IRX1: variants seen among roughly 807,000 people sequenced by gnomAD.
IRX1 encodes the protein iroquois homeobox 1.
In IRX1, 22 loss-of-function variants were observed where a neutral mutation model predicts 34.1. The ratio of observed to expected loss-of-function variants is 0.64; its 90% CI spans 0.46 to 0.92. IRX1 has a LOEUF of 0.92. Ranked by LOEUF, IRX1 falls within the 40% of genes least tolerant of loss-of-function variation. The pLI is 0.00. For missense variants in IRX1, 758 were observed against 680.0 expected, an observed-to-expected ratio of 1.11 and a Z score of -1.28; for synonymous variants, 363 against 319.0, an observed-to-expected ratio of 1.14 and a Z score of -1.47.
chr5:3,599,764 C>G lies in IRX1; in HGVS notation c.816C>G (p.Ala272=), dbSNP rs1444075028. 2 of 1,609,634 alleles carry G rather than the reference C, an allele frequency of 1.2e-6. No homozygotes were observed. Among genetic ancestry groups the G allele is most frequent in the Non-Finnish European group, 1.7e-6 (2 of 1,178,924 alleles). Residue 272 remains alanine (A), a synonymous_variant, in exon 2 of 4, where the codon GCC becomes GCG. Coordinates refer to ENST00000302006, the MANE Select transcript of IRX1 (RefSeq NM_024337.4). This position sits in a 1 kb window ranked among gnomAD's most constrained non-coding sequence, Gnocchi z 6.6. ...ARDQGSPLAA[A]DVLKPQDSPL... is the part of the protein sequence containing the mutation. ...ACCAAGGCTCGCCGCTGGCAGCAGC[C>G]GACGTTCTCAAGCCCCAGGACTCGC...
chr5:3,595,942 C>G lies in IRX1; in HGVS notation c.-164C>G, dbSNP rs1236626840. The G allele has an allele frequency of 1.2e-5, 3 of 250,606 alleles. No individual in the cohort carries two copies. The highest frequency in any genetic ancestry group is 1.6e-4 in the East Asian group (1 of 6,438). 15.5% of individuals were successfully genotyped at this position (250,606 alleles called of 1,614,324 possible). ...GCCTGCGAGCACCGGGCAGAGGAGC[C>G]GCGACCGGCCTCCATCTCCCGGCCC... On this transcript the variant is annotated 5_prime_UTR_variant, in exon 1 of 4. Transcript: ENST00000302006.
chr5:3,600,670 G>T lies in IRX1; in HGVS notation c.1374G>T (p.Pro458=), dbSNP rs944099410. 1 of 1,613,776 alleles carries T rather than the reference G, an allele frequency of 6.2e-7. No homozygotes were observed. The highest frequency in any genetic ancestry group is 2.2e-5 in the East Asian group (1 of 44,878). The change falls in exon 3 of 4, where the codon CCG becomes CCT. Residue 458 remains proline, a synonymous_variant. Coordinates refer to ENST00000302006, the MANE Select transcript of IRX1 (RefSeq NM_024337.4). ...AGCAGTTAAAGTCGCCCTTCCAGCC[G>T]GTACGCGACAAGTGAGTGCTGTTTG... The part of the protein sequence containing the change: ...PAQQLKSPFQ[P]VRDNSLAPQE...
Position 3,600,573 on chromosome 5 carries a change from C to T in IRX1, c.1313-36C>T, listed in dbSNP as rs776175401. On this transcript the variant is annotated intron_variant, in intron 2 of 3. Coordinates refer to ENST00000302006, the MANE Select transcript of IRX1 (RefSeq NM_024337.4). Reference sequence around the variant, plus strand: ...GGCCTGGGACCTCTCCCGCCCGTCTCTCCGTCCTAACTCTGCCTCTTCCGA... The same window carrying T: ...GGCCTGGGACCTCTCCCGCCCGTCTTTCCGTCCTAACTCTGCCTCTTCCGA... The T allele has an allele frequency of 1.9e-6, 3 of 1,587,342 alleles. No homozygotes were observed. The East Asian group carries it at 6.7e-5, about 36-fold the overall frequency.
In IRX1 at chr5:3,600,273, G is replaced by A. The variant is rs1481619366; in HGVS notation, c.1312+13G>A. ...CCCACGCTCCCAGGTACAGCTCCAG[G>A]CCGCGTCCACCTGTCCCCTAGCTGG... On this transcript the variant is annotated intron_variant, in intron 2 of 3. Coordinates refer to ENST00000302006, the MANE Select transcript of IRX1 (RefSeq NM_024337.4). 1 of 1,557,186 alleles carries A rather than the reference G, an allele frequency of 6.4e-7. No individual in the cohort carries two copies. Among genetic ancestry groups the A allele is most frequent in the African/African-American group, 1.4e-5 (1 of 73,988 alleles).
At chr5:3,596,584 C>T (rs1580010055) in intron 1 of IRX1, among the ~76,000 whole-genome samples, 1 of 152,076 alleles carries the variant, frequency 6.6e-6, no homozygotes, top group African/African-American at 2.4e-5. Flanking sequence ...GACGGCTGGG[C>T]CATCTCGGCC....
Position 3,596,192 on chromosome 5 carries a change from C to T in IRX1, c.87C>T (p.Ala29=), listed in dbSNP as rs1370682458. The T allele has an allele frequency of 1.9e-6, 2 of 1,031,344 alleles. No individual in the cohort carries two copies. The highest frequency in any genetic ancestry group is 5.8e-5 in the Admixed American group (1 of 17,250). The allele number at this position is 1,031,344 out of a possible 1,614,324, so 63.9% of individuals were successfully genotyped here. A position where few individuals can be genotyped will look rare whatever the true frequency, so the allele number is the denominator to read the frequency against. The change falls in exon 1 of 4, where the codon GCC becomes GCT. Residue 29 remains alanine, a synonymous_variant. Coordinates refer to ENST00000302006, the MANE Select transcript of IRX1 (RefSeq NM_024337.4). ...AYGGERPGVL[A]AAAAAAAAAS... ...GCGGCGAGCGCCCGGGGGTGCTGGC[C>T]GCGGCCGCTGCGGCGGCTGCCGCCG...
At chr5:3,600,793 T>A (rs1051191456) in intron 3 of IRX1, 112 bp downstream of exon 3, 1 of 1,176,218 alleles carries the variant, frequency 8.5e-7, no homozygotes, top group East Asian at 2.5e-5. Flanking sequence ...GCAGTCCTAG[T>A]TGAAGGAGCG....
At position 3,600,208 on chromosome 5, in the gene IRX1, G is replaced by A. The variant is rs566238043; in HGVS notation, c.1260G>A (p.Pro420=). 1.9e-5 allele frequency: 31 copies of A among 1,610,198 alleles called. No individual in the cohort carries two copies. The Admixed American group carries it at 3.5e-4, about 18-fold the overall frequency. Residue 420 remains proline, a synonymous_variant, in exon 2 of 4, where the codon CCG becomes CCA. Transcript: ENST00000302006. ...PPPQPPVAIA[P]GALNGDKASV... ...CGCAGCCGCCGGTCGCTATTGCCCC[G>A]GGGGCACTCAATGGAGACAAGGCCT...
chr5:3,596,467 C>A, intron 1 of IRX1, 86 bp downstream of exon 1: 1 of 1,267,916 alleles, frequency 7.9e-7, no homozygotes, highest in Non-Finnish European at 1.0e-6. Flanking sequence ...GGAGAGACTA[C>A]GGGTGGACCT....
At position 3,600,229 on chromosome 5, in the gene IRX1, G is replaced by T. The variant is rs1389724739; in HGVS notation, c.1281G>T (p.Lys427Asn). Residue 427 changes from lysine (K) to asparagine (N), a missense_variant, in exon 2 of 4, where the codon AAG becomes AAT. By Grantham distance (94) the Lys-to-Asn change is moderately conservative. Around this residue, in one of 3 missense-constraint regions of IRX1, gnomAD observed 529 missense variants for 418.8 expected, o/e 1.26. Transcript: ENST00000302006. ...AIAPGALNGD[K>N]ASVRSSPTLP... ...CCCCGGGGGCACTCAATGGAGACAA[G>T]GCCTCGGTCCGCAGCAGCCCCACGC... The T allele has an allele frequency of 6.2e-7, 1 of 1,604,714 alleles. No individual in the cohort carries two copies. Among genetic ancestry groups the T allele is most frequent in the African/African-American group, 1.3e-5 (1 of 74,974 alleles).
Position 3,599,184 on chromosome 5 carries a change from C to T in IRX1, c.277-41C>T, listed in dbSNP as rs1051583755. 3 of 1,567,712 alleles carry T rather than the reference C, an allele frequency of 1.9e-6. No homozygotes were observed. The highest frequency in any genetic ancestry group is 1.7e-5 in the Admixed American group (1 of 57,588). On this transcript the variant is annotated intron_variant, in intron 1 of 3. Transcript: ENST00000302006. The surrounding 1 kb of genome is among the most constrained non-coding windows in gnomAD (Gnocchi z 6.6). Reference sequence around the variant, plus strand: ...TCTCTCTCCCTTTCTCTCTCCACTTCCCTCCTCTCTCTCCTCGATGGATCT... The same window carrying T: ...TCTCTCTCCCTTTCTCTCTCCACTTTCCTCCTCTCTCTCCTCGATGGATCT...
chr5:3,599,623 G>A lies in IRX1; in HGVS notation c.675G>A (p.Leu225=), dbSNP rs1733901014. Residue 225 remains leucine (L), a synonymous_variant, in exon 2 of 4, where the codon CTG becomes CTA. Transcript: ENST00000302006. This position sits in a 1 kb window ranked among gnomAD's most constrained non-coding sequence, Gnocchi z 6.6. ...CCGAGGACGACGAGGAGATCGACCTGGAAAGCATCGACATTGACAAGATCG... is the reference window on the plus strand; with the variant it reads ...CCGAGGACGACGAGGAGATCGACCTAGAAAGCATCGACATTGACAAGATCG... ...EKAEDDEEID[L]ESIDIDKIDE... is the part of the protein sequence containing the mutation. The A allele has an allele frequency of 1.9e-6, 3 of 1,613,940 alleles. No homozygotes were observed. The highest frequency in any genetic ancestry group is 4.5e-5 in the East Asian group (2 of 44,852).
In IRX1 at chr5:3,598,166, G is replaced by A. The variant is rs563017973; in HGVS notation, c.277-1059G>A. Among the ~76,000 whole-genome samples, 7 of 152,292 alleles carry A rather than the reference G, an allele frequency of 4.6e-5. No homozygotes were observed. In the South Asian group the frequency reaches 1.4e-3, roughly 32 times the overall value. On this transcript the variant is annotated intron_variant, in intron 1 of 3. Transcript: ENST00000302006. ...TCCAAGCCATTATAATTGGGTGTTT[G>A]GAAGTCAAAAGATAAAATTGTATTT...
At position 3,596,325 on chromosome 5, in the gene IRX1, C is replaced by T. The variant is rs949542098; in HGVS notation, c.220C>T (p.Pro74Ser). The T allele has an allele frequency of 8.6e-6, 13 of 1,512,662 alleles. No homozygotes were observed. Among genetic ancestry groups the T allele is most frequent in the African/African-American group, 4.3e-5 (3 of 69,756 alleles). 93.7% of individuals were successfully genotyped at this position (1,512,662 alleles called of 1,614,324 possible). A position where few individuals can be genotyped will look rare whatever the true frequency, so the allele number is the denominator to read the frequency against. The change falls in exon 1 of 4, where the codon CCC (proline) becomes TCC (serine). Residue 74 changes from proline (P) to serine (S), a missense_variant. By Grantham distance (74) the Pro-to-Ser change is moderately conservative (BLOSUM62 -1). Transcript: ENST00000302006. ...YAAAGPYAGAPNYSAFLPYAA... is the reference protein window; with the variant it reads ...YAAAGPYAGASNYSAFLPYAA... ...GGCGGCGGGGCCGTACGCGGGCGCG[C>T]CCAACTACAGCGCCTTCCTGCCCTA...
Position 3,600,005 on chromosome 5 carries a change from C to A in IRX1, c.1057C>A (p.Gln353Lys), listed in dbSNP as rs765133208. The A allele has an allele frequency of 6.5e-6, 10 of 1,533,734 alleles. No homozygotes were observed. Among genetic ancestry groups the A allele is most frequent in the East Asian group, 4.8e-5 (2 of 41,306 alleles). Residue 353 changes from glutamine to lysine, a missense_variant, in exon 2 of 4, where the codon CAA becomes AAA. Around this residue, in one of 3 missense-constraint regions of IRX1, gnomAD observed 529 missense variants for 418.8 expected, o/e 1.26. Coordinates refer to ENST00000302006, the MANE Select transcript of IRX1 (RefSeq NM_024337.4). ...AHGPSAGAPLQHPAFLPSHGL... is the reference protein window; with the variant it reads ...AHGPSAGAPLKHPAFLPSHGL... ...CGGGCCCTCCGCCGGGGCGCCGCTG[C>A]AACACCCCGCCTTCCTGCCTAGCCA...
At position 3,596,036 on chromosome 5, in the gene IRX1, C is replaced by A; in HGVS notation, c.-70C>A. 4.1e-6 allele frequency: 4 copies of A among 984,712 alleles called. No individual in the cohort carries two copies. Among genetic ancestry groups the A allele is most frequent in the Non-Finnish European group, 4.9e-6 (4 of 822,566 alleles). The allele number at this position is 984,712 out of a possible 1,614,324, so 61.0% of individuals were successfully genotyped here. A position where few individuals can be genotyped will look rare whatever the true frequency, so the allele number is the denominator to read the frequency against. ...TCGCGGCGCCCCCTGCAACCCCCTC[C>A]GGCCGGCCTCCGCCTCCCTCCCCGC... On this transcript the variant is annotated 5_prime_UTR_variant, in exon 1 of 4. Coordinates refer to ENST00000302006, the MANE Select transcript of IRX1 (RefSeq NM_024337.4).
In IRX1 at chr5:3,601,390, TAAATGAA is replaced by T. The variant is rs1733966323; in HGVS notation, c.*352_*358del. 1 of 314,980 alleles carries T rather than the reference TAAATGAA, an allele frequency of 3.2e-6. No homozygotes were observed. The highest frequency in any genetic ancestry group is 6.0e-6 in the Non-Finnish European group (1 of 166,458). The allele number at this position is 314,980 out of a possible 1,614,324, so 19.5% of individuals were successfully genotyped here. A position where few individuals can be genotyped will look rare whatever the true frequency, so the allele number is the denominator to read the frequency against. On this transcript the variant is annotated 3_prime_UTR_variant, in exon 4 of 4. Coordinates refer to ENST00000302006, the MANE Select transcript of IRX1 (RefSeq NM_024337.4). ...AATCATATATTTTTGTCTAATAAAC[TAAATGAA>T]ATGACACCCCCTCCCCGCTCCTGCT... is the stretch of plus-strand genomic sequence containing the variant.
In IRX1 at chr5:3,601,097, G is replaced by T; in HGVS notation, c.*57G>T. The T allele has an allele frequency of 1.4e-6, 2 of 1,381,306 alleles. No individual in the cohort carries two copies. The highest frequency in any genetic ancestry group is 2.3e-5 in the East Asian group (1 of 43,666). The allele number at this position is 1,381,306 out of a possible 1,614,324, so 85.6% of individuals were successfully genotyped here. A position where few individuals can be genotyped will look rare whatever the true frequency, so the allele number is the denominator to read the frequency against. On this transcript the variant is annotated 3_prime_UTR_variant, in exon 4 of 4. Transcript: ENST00000302006. ...AGGGGGGAGGAGTTGGGGAGGGAGGGAATGTGGGAGGAATTAAGACAAATA... is the reference window on the plus strand; with the variant it reads ...AGGGGGGAGGAGTTGGGGAGGGAGGTAATGTGGGAGGAATTAAGACAAATA...
intron 3 of IRX1, 94 bp from the exon 4 acceptor site, chr5:3,600,889 C>A: frequency 7.3e-7 from 1 of 1,373,892 alleles, no homozygotes; most frequent in East Asian, 2.3e-5. Flanking sequence ...CGACCCCGCC[C>A]CCAGGGCTCC....
Sources: allele counts gnomAD v4.1 joint callset (sites outside exome capture counted in the v4.1 genomes callset), GRCh38; gene constraint gnomAD v4.1.1; regional missense constraint gnomAD v4.1.1; non-coding constraint Gnocchi (gnomAD v3.1); transcripts MANE v1.5; gene names NCBI Gene and HGNC (gene_info 2026-07-23, HGNC 2026-07-21).